Variants in B3GAT2 observed in about 807,000 individuals in gnomAD.
The protein encoded by B3GAT2 is galactosylgalactosylxylosylprotein 3-beta-glucuronosyltransferase 2.
Under a neutral mutation model 27.8 loss-of-function variants are expected in B3GAT2, and 26 were observed. The ratio of observed to expected loss-of-function variants is 0.93; its 90% CI spans 0.68 to 1.30. The LOEUF is 1.30. Among genes scored for constraint, B3GAT2 ranks in the 50% most tolerant of loss-of-function variants. The pLI, the probability that B3GAT2 is intolerant of heterozygous loss-of-function variation, is 0.00. For missense variants in B3GAT2, 458 were observed against 459.0 expected (o/e 1.00, Z 0.02); for synonymous variants, 218 against 195.1 (o/e 1.12, Z -0.98).
chr6:70,860,695 C>T lies in B3GAT2; in HGVS notation c.*968G>A, dbSNP rs1771681606. On this transcript the variant is annotated 3_prime_UTR_variant, in exon 4 of 4. Transcript: ENST00000230053. ...TAGTAATACCTCTAATAGTATAAAC[C>T]CCACCCCAAAATTAGCCAGTAATCC... The T allele has an allele frequency of 2.5e-6, 1 of 402,728 alleles. No individual in the cohort carries two copies. Among genetic ancestry groups the T allele is most frequent in the Non-Finnish European group, 4.4e-6 (1 of 228,258 alleles). 24.9% of individuals were successfully genotyped at this position (402,728 alleles called of 1,614,324 possible).
In B3GAT2 at chr6:70,955,792, GGCCCACTCCCGCCCTC is replaced by G. The variant is rs1765644364; in HGVS notation, c.591+31_591+46del. 5 of 1,507,708 alleles carry G rather than the reference GGCCCACTCCCGCCCTC, an allele frequency of 3.3e-6. No individual in the cohort carries two copies. In the African/African-American group the frequency reaches 7.2e-5, roughly 22 times the overall value. The allele number at this position is 1,507,708 out of a possible 1,614,324, so 93.4% of individuals were successfully genotyped here. A position where few individuals can be genotyped will look rare whatever the true frequency, so the allele number is the denominator to read the frequency against. ...GTGACTGCAGCCCGGCCGGCCCGGA[GGCCCACTCCCGCCCTC>G]GCCCACCCAGCGGGGCAGGCTGGCC... is the stretch of plus-strand genomic sequence containing the variant. On this transcript the variant is annotated intron_variant, in intron 1 of 3. Coordinates refer to ENST00000230053, the MANE Select transcript of B3GAT2 (RefSeq NM_080742.3).
chr6:70,937,874 T>C (rs564399021), intron 1 of B3GAT2, among the ~76,000 whole-genome samples: 188 of 152,216 alleles, frequency 1.2e-3, no homozygotes, highest in African/African-American at 4.3e-3. Context: ...ACCACTCCTA[T>C]TCAACATAGT....
At position 70,946,172 on chromosome 6, in the gene B3GAT2, C is replaced by G. The variant is rs1019693981; in HGVS notation, c.591+9667G>C. Among the ~76,000 whole-genome samples, 132 of 152,048 alleles carry G rather than the reference C, an allele frequency of 8.7e-4. No homozygotes were observed. The Middle Eastern group carries it at 0.01, about 12-fold the overall frequency. Reference sequence around the variant, plus strand: ...GGAAGAAACTGCATCAACTAACGAGCAAAATAACCAGCTAACATCATAATG... The same window carrying G: ...GGAAGAAACTGCATCAACTAACGAGGAAAATAACCAGCTAACATCATAATG... On this transcript the variant is annotated intron_variant, in intron 1 of 3. Coordinates refer to ENST00000230053, the MANE Select transcript of B3GAT2 (RefSeq NM_080742.3).
intron 1 of B3GAT2, among the ~76,000 whole-genome samples, chr6:70,901,855 T>G (rs943564562): frequency 6.6e-6 from 1 of 152,204 alleles, no homozygotes; most frequent in Non-Finnish European, 1.5e-5. Context: ...AAACAGGGAA[T>G]GTTCCTAAAT....
At chr6:70,945,498 T>C (rs1169161376) in intron 1 of B3GAT2, among the ~76,000 whole-genome samples, 2 of 151,112 alleles carry the variant, frequency 1.3e-5, no homozygotes, top group African/African-American at 2.4e-5. Flanking sequence ...ATGAATGAAA[T>C]GAAACAAGAA....
At chr6:70,938,656 G>C (rs1366995607) in intron 1 of B3GAT2, among the ~76,000 whole-genome samples, 3 of 151,932 alleles carry the variant, frequency 2.0e-5, no homozygotes, top group African/African-American at 7.3e-5. Flanking sequence ...AATGGGGAAA[G>C]GATTCCCTAT....
At position 70,858,483 on chromosome 6, in the gene B3GAT2, ATGTAAC is replaced by A. The variant is rs1195521288; in HGVS notation, c.*3174_*3179del. 9.1e-6 allele frequency: 3 copies of A among 328,530 alleles called. No homozygotes were observed. In the Admixed American group the frequency reaches 1.4e-4, roughly 15 times the overall value. 20.4% of individuals were successfully genotyped at this position (328,530 alleles called of 1,614,324 possible). A position where few individuals can be genotyped will look rare whatever the true frequency, so the allele number is the denominator to read the frequency against. Reference sequence around the variant, plus strand: ...TAAACATCTTTCATTTCAAATTGTAATGTAACTGTAACGTGAACACCACTAATGGCC... The same window carrying A: ...TAAACATCTTTCATTTCAAATTGTAATGTAACGTGAACACCACTAATGGCC... On this transcript the variant is annotated 3_prime_UTR_variant, in exon 4 of 4. Transcript: ENST00000230053.
intron 2 of B3GAT2, among the ~76,000 whole-genome samples, chr6:70,889,342 C>G (rs1446651178): frequency 2.3e-4 from 35 of 152,266 alleles, no homozygotes; most frequent in African/African-American, 8.2e-4. Flanking sequence ...CTGCCACCAT[C>G]TGTCTTTCCT....
intron 1 of B3GAT2, among the ~76,000 whole-genome samples, chr6:70,897,668 AAAATAT>A (rs869235977): frequency 2.4e-3 from 230 of 96,240 alleles, no homozygotes; most frequent in Middle Eastern, 5.4e-3. Context: ...GAAAAAAAAA[AAAATAT>A]ATATATATAT....
At chr6:70,940,568 T>C (rs1439272105) in intron 1 of B3GAT2, among the ~76,000 whole-genome samples, 1 of 152,174 alleles carries the variant, frequency 6.6e-6, no homozygotes, top group African/African-American at 2.4e-5. Context: ...CCAACGATAA[T>C]CACTGTATCA....
intron 1 of B3GAT2, among the ~76,000 whole-genome samples, chr6:70,936,074 G>C (rs570968311): frequency 2.7e-5 from 4 of 150,770 alleles, no homozygotes; most frequent in African/African-American, 9.7e-5. Context: ...CAAGCAAATG[G>C]AAAACAAAAA....
intron 1 of B3GAT2, among the ~76,000 whole-genome samples, chr6:70,924,384 T>C (rs916466916): frequency 2.8e-4 from 43 of 152,212 alleles, no homozygotes; most frequent in African/African-American, 7.7e-4. Flanking sequence ...ATCCCAATGA[T>C]GTTTTTTGCA....
At chr6:70,888,792 A>C (rs191850071) in intron 2 of B3GAT2, among the ~76,000 whole-genome samples, 185 of 152,338 alleles carry the variant, frequency 1.2e-3, no homozygotes, top group African/African-American at 4.0e-3. Context: ...AACTTGTTCC[A>C]AAAACACACC....
At chr6:70,945,630 C>G (rs188837989) in intron 1 of B3GAT2, among the ~76,000 whole-genome samples, 1 of 149,490 alleles carries the variant, frequency 6.7e-6, no homozygotes, top group Non-Finnish European at 1.5e-5. Context: ...AGGATGGAAC[C>G]GAGTTGGAAA....
intron 1 of B3GAT2, among the ~76,000 whole-genome samples, chr6:70,897,860 T>C (rs1365820795): frequency 6.6e-6 from 1 of 152,108 alleles, no homozygotes; most frequent in Non-Finnish European, 1.5e-5. Flanking sequence ...GTTCCAACTA[T>C]ATCTAATTGT....
chr6:70,880,074 C>T (rs549481628), intron 2 of B3GAT2, among the ~76,000 whole-genome samples: 245 of 6,298 alleles, frequency 0.039, 1 homozygote, highest in Admixed American at 0.057. Flanking sequence ...TAAGAGATGA[C>T]GGGGCGTGGG....
At chr6:70,900,645 C>T (rs1582366678) in intron 1 of B3GAT2, among the ~76,000 whole-genome samples, 1 of 152,190 alleles carries the variant, frequency 6.6e-6, no homozygotes, top group East Asian at 1.9e-4. Flanking sequence ...CAGCTTTCTG[C>T]TACGTTCTTT....
intron 2 of B3GAT2, among the ~76,000 whole-genome samples, chr6:70,885,983 T>C (rs1772177881): frequency 6.6e-6 from 1 of 152,240 alleles, no homozygotes; most frequent in Non-Finnish European, 1.5e-5. Flanking sequence ...AATAAATGTG[T>C]GAGCCAGCTG....
chr6:70,871,672 A>AT, intron 2 of B3GAT2, among the ~76,000 whole-genome samples: 1 of 151,956 alleles, frequency 6.6e-6, no homozygotes, highest in South Asian at 2.1e-4. Flanking sequence ...TTTAAAAAAC[A>AT]TTTTTATGGA....
Sources: allele counts gnomAD v4.1 joint callset (sites outside exome capture counted in the v4.1 genomes callset), GRCh38; gene constraint gnomAD v4.1.1; transcripts MANE v1.5; gene names NCBI Gene and HGNC (gene_info 2026-07-23, HGNC 2026-07-21).